SYNE2: variants seen among roughly 807,000 people sequenced by gnomAD.
The protein encoded by SYNE2 is nesprin-2.
Under a neutral mutation model 856.3 loss-of-function variants are expected in SYNE2, and 431 were observed. The ratio of observed to expected loss-of-function variants is 0.50; its 90% CI spans 0.47 to 0.55. SYNE2 has a LOEUF of 0.55. Among genes scored for constraint, SYNE2 ranks in the 20% least tolerant of loss-of-function variants. SYNE2 has a pLI of 0.00. For missense variants in SYNE2, 8,129 were observed against 8,023.2 expected (o/e 1.01, Z -0.50); for synonymous variants, 2,923 against 2,872.3 (o/e 1.02, Z -0.56).
rs778640413 is a variant in SYNE2, at chr14:64,122,376, T to C, written c.13371T>C (p.His4457=). The C allele has an allele frequency of 2.5e-6, 4 of 1,614,120 alleles. No individual in the cohort carries two copies. Among genetic ancestry groups the C allele is most frequent in the Admixed American group, 3.3e-5 (2 of 59,998 alleles). The change falls in exon 70 of 116, where the codon CAT becomes CAC. Residue 4457 remains histidine (H), a synonymous_variant. Transcript: ENST00000555002. ...QNGDKWQYLH[H]ELSSKIKLPL... Reference sequence around the variant, plus strand: ...GAGATAAGTGGCAATATCTGCATCATGAACTCTCATCAAAAATAAAGCTCC... The same window carrying C: ...GAGATAAGTGGCAATATCTGCATCACGAACTCTCATCAAAAATAAAGCTCC...
Position 64,130,201 on chromosome 14 carries a change from C to G in SYNE2, c.14293C>G (p.Gln4765Glu). ...KEKLAHGHLKQTKSKVALQAQ... is the reference protein window; with the variant it reads ...KEKLAHGHLKETKSKVALQAQ... ...AAAGCTTGCTCATGGCCACTTAAAA[C>G]AAACCAAAAGTAAAGTGGCGTTACA... is the stretch of plus-strand genomic sequence containing the variant. Residue 4765 changes from glutamine to glutamate, a missense_variant, in exon 76 of 116, where the codon CAA (glutamine) becomes GAA (glutamate). This residue lies in a region of SYNE2 where 5,410 missense variants were observed against 5,284.8 expected (regional missense o/e 1.02). Coordinates refer to ENST00000555002, the MANE Select transcript of SYNE2 (RefSeq NM_182914.3). 6.2e-7 allele frequency: 1 copy of G among 1,613,928 alleles called. No individual in the cohort carries two copies. The highest frequency in any genetic ancestry group is 2.2e-5 in the East Asian group (1 of 44,846).
Position 64,021,896 on chromosome 14 carries a change from A to T in SYNE2, c.5392A>T (p.Ile1798Leu), listed in dbSNP as rs751551531. ...QQILQQKHSM[I>L]LLENQIGCLT... is the part of the protein sequence containing the mutation. ...GATTCTACAGCAAAAACACAGTATG[A>T]TATTACTTGAGAATCAAATAGGTTG... The change falls in exon 37 of 116, where the codon ATA becomes TTA. Residue 1798 changes from isoleucine (I) to leucine (L), a missense_variant. By Grantham distance (5) the Ile-to-Leu change is conservative. This residue lies in a region of SYNE2 where 2,422 missense variants were observed against 2,357.4 expected (regional missense o/e 1.03). Coordinates refer to ENST00000555002, the MANE Select transcript of SYNE2 (RefSeq NM_182914.3). The T allele has an allele frequency of 6.2e-7, 1 of 1,614,012 alleles. No homozygotes were observed.
At chr14:63,881,272 C>A (rs369200988) in intron 1 of SYNE2, among the ~76,000 whole-genome samples, 5 of 152,158 alleles carry the variant, frequency 3.3e-5, no homozygotes, top group Admixed American at 6.5e-5. Flanking sequence ...AGCCACCATA[C>A]CCAGCCAAAG....
In SYNE2 at chr14:64,021,326, C is replaced by T. The variant is rs746870581; in HGVS notation, c.5163C>T (p.Ser1721=). ...TTTCATGATTTCAGGTCATGGAGTC[C>T]TCTATTTTGAACAAGATGGAACATG... The part of the protein sequence containing the change: ...EIPLELQVME[S]SILNKMEHVQ... Residue 1721 remains serine, a synonymous_variant, in exon 36 of 116, where the codon TCC becomes TCT. Coordinates refer to ENST00000555002, the MANE Select transcript of SYNE2 (RefSeq NM_182914.3). 1 of 1,613,652 alleles carries T rather than the reference C, an allele frequency of 6.2e-7. No individual in the cohort carries two copies. Among genetic ancestry groups the T allele is most frequent in the South Asian group, 1.1e-5 (1 of 91,072 alleles).
chr14:64,048,229 A>G, intron 46 of SYNE2, 74 bp downstream of exon 46: 1 of 1,486,620 alleles, frequency 6.7e-7, no homozygotes, highest in Non-Finnish European at 9.2e-7. Flanking sequence ...TTTAATTGCC[A>G]AAAACTTGCT....
chr14:64,209,905 T>C lies in SYNE2; in HGVS notation c.18541-37T>C, dbSNP rs747725018. The C allele has an allele frequency of 2.0e-5, 33 of 1,613,692 alleles. No individual in the cohort carries two copies. The African/African-American group carries it at 3.9e-4, about 19-fold the overall frequency. On this transcript the variant is annotated intron_variant, in intron 102 of 115. Coordinates refer to ENST00000555002, the MANE Select transcript of SYNE2 (RefSeq NM_182914.3). ...AGGGAAGGAGGGCGTCCTGGCACTC[T>C]GCATGCTTTGGCTCTGACCCCTCCC...
chr14:63,828,330 C>A (rs555854848), intron 1 of SYNE2, among the ~76,000 whole-genome samples: 13 of 152,228 alleles, frequency 8.5e-5, no homozygotes, highest in Middle Eastern at 6.8e-3. Context: ...TGTAAGTAAT[C>A]TAGAGATAAT....
At chr14:63,871,923 G>T (rs1234977926) in intron 1 of SYNE2, among the ~76,000 whole-genome samples, 1 of 152,102 alleles carries the variant, frequency 6.6e-6, no homozygotes, top group African/African-American at 2.4e-5. Context: ...ATAAAATATT[G>T]CTAATTTGGT....
chr14:64,196,321 A>C (rs1373569377), intron 99 of SYNE2, among the ~76,000 whole-genome samples: 1 of 152,216 alleles, frequency 6.6e-6, no homozygotes. Flanking sequence ...AAGCACTGCC[A>C]CTCAGGATTG....
chr14:64,199,713 C>CA (rs34710996), intron 99 of SYNE2, among the ~76,000 whole-genome samples: 2,143 of 65,264 alleles, frequency 0.033, 77 homozygotes, highest in African/African-American at 0.079. Context: ...GACTCTGTCT[C>CA]AAAAAAAAAA....
chr14:64,154,690 G>A (rs2153706725), intron 85 of SYNE2, among the ~76,000 whole-genome samples: 1 of 151,712 alleles, frequency 6.6e-6, no homozygotes, highest in East Asian at 1.9e-4. Flanking sequence ...CTACTTAGGA[G>A]GCTGAGGCAC....
Position 64,025,405 on chromosome 14 carries a change from G to C in SYNE2, c.6236G>C (p.Arg2079Thr). The change falls in exon 41 of 116, where the codon AGA becomes ACA. Residue 2079 changes from arginine to threonine, a missense_variant. Arg to Thr is a moderately conservative substitution (Grantham distance 71). This residue lies in a region of SYNE2 where 297 missense variants were observed against 380.9 expected (regional missense o/e 0.78). Coordinates refer to ENST00000555002, the MANE Select transcript of SYNE2 (RefSeq NM_182914.3). ...GAAGGCAAAATGCCACTTGAGGAAA[G>C]AATCCAAAAAATCAAGGTATAACTA... ...SSEGKMPLEE[R>T]IQKIKEIILL... is the part of the protein sequence containing the mutation. The C allele has an allele frequency of 6.2e-7, 1 of 1,612,386 alleles. No individual in the cohort carries two copies. Among genetic ancestry groups the C allele is most frequent in the Non-Finnish European group, 8.5e-7 (1 of 1,179,828 alleles).
chr14:64,103,710 C>G (rs1252998887), intron 64 of SYNE2, among the ~76,000 whole-genome samples: 4 of 152,114 alleles, frequency 2.6e-5, no homozygotes, highest in Non-Finnish European at 5.9e-5. Flanking sequence ...GCTTCCCCTC[C>G]CTAACATGTT....
chr14:64,100,030 CAT>C (rs370853326), intron 63 of SYNE2: 67 of 152,156 alleles, frequency 4.4e-4, no homozygotes, highest in African/African-American at 1.5e-3. Flanking sequence ...CACATGCACA[CAT>C]ATGTTTACTG....
In SYNE2 at chr14:64,213,009, C is replaced by T. The variant is rs769446945; in HGVS notation, c.19056+4C>T. 10 of 1,612,730 alleles carry T rather than the reference C, an allele frequency of 6.2e-6. No homozygotes were observed. The highest frequency in any genetic ancestry group is 4.5e-5 in the East Asian group (2 of 44,904). On this transcript the variant is annotated splice_donor_region_variant and intron_variant, in intron 105 of 115. Transcript: ENST00000555002. ...GCGGCTCACCTCCTGCACTCCGGTA[C>T]GGGCACTGCTGCCTAGAAATGGCAC...
intron 8 of SYNE2, chr14:63,960,673 C>A: frequency 1.5e-6 from 1 of 685,388 alleles, no homozygotes; most frequent in South Asian, 1.6e-5. Context: ...ATTAGGTGTT[C>A]ATTTTGTCTG....
At chr14:63,792,786 C>A (rs982193384) in intron 1 of SYNE2, among the ~76,000 whole-genome samples, 3 of 151,882 alleles carry the variant, frequency 2.0e-5, no homozygotes, top group Non-Finnish European at 4.4e-5. Context: ...ATCACCTGAT[C>A]GTCCCACCTC....
chr14:64,064,107 GATGAA>G (rs2097339112), intron 50 of SYNE2, among the ~76,000 whole-genome samples: 1 of 152,070 alleles, frequency 6.6e-6, no homozygotes, highest in South Asian at 2.1e-4. Flanking sequence ...ATGCCTGGGT[GATGAA>G]ATGAAGTGAG....
chr14:64,047,453 C>T (rs1473975277), intron 45 of SYNE2, among the ~76,000 whole-genome samples: 1 of 152,184 alleles, frequency 6.6e-6, no homozygotes, highest in African/African-American at 2.4e-5. Context: ...AGGACAAGTT[C>T]TCAGTCCGGT....
Sources: allele counts gnomAD v4.1 joint callset (sites outside exome capture counted in the v4.1 genomes callset), GRCh38; gene constraint gnomAD v4.1.1; regional missense constraint gnomAD v4.1.1; transcripts MANE v1.5; gene names NCBI Gene and HGNC (gene_info 2026-07-23, HGNC 2026-07-21).